MYO3B: variants seen among roughly 807,000 people sequenced by gnomAD.
MYO3B encodes the protein myosin IIIB, also known as myosin-IIIb.
MYO3B carries 156 observed loss-of-function variants against 174.6 expected under a neutral mutation model. The observed-to-expected ratio is 0.89, with a 90% CI of 0.78 to 1.02. The LOEUF (loss-of-function observed/expected upper bound fraction) is 1.02. Among genes scored for constraint, MYO3B ranks in the 50% least tolerant of loss-of-function variants. MYO3B has a pLI of 0.00. For missense variants in MYO3B, 1,632 were observed against 1,639.4 expected, an observed-to-expected ratio of 1.00 and a Z score of 0.08; for synonymous variants, 563 against 569.1, an observed-to-expected ratio of 0.99 and a Z score of 0.15.
intron 22 of MYO3B, among the ~76,000 whole-genome samples, chr2:170,420,305 G>C: frequency 6.6e-6 from 1 of 152,234 alleles, no homozygotes; most frequent in East Asian, 1.9e-4. Context: ...ACTATGCTAC[G>C]GTTAAGGAGC....
intron 1 of MYO3B, among the ~76,000 whole-genome samples, chr2:170,198,120 T>G (rs966115332): frequency 5.3e-5 from 8 of 151,920 alleles, no homozygotes; most frequent in Non-Finnish European, 1.2e-4. Flanking sequence ...GGGTTTTTTT[T>G]TTTTTTTTTT....
intron 32 of MYO3B, chr2:170,601,900 C>T: frequency 1.2e-6 from 1 of 843,802 alleles, no homozygotes; most frequent in Non-Finnish European, 2.0e-6. Context: ...GATTTTTGGG[C>T]AATACTCAGA....
At chr2:170,451,927 C>G (rs558453431) in intron 23 of MYO3B, among the ~76,000 whole-genome samples, 1 of 152,158 alleles carries the variant, frequency 6.6e-6, no homozygotes, top group Non-Finnish European at 1.5e-5. Flanking sequence ...TGGAAGAAGA[C>G]AGTACAACGC....
At chr2:170,273,689 C>T (rs1559351321) in intron 7 of MYO3B, among the ~76,000 whole-genome samples, 1 of 152,138 alleles carries the variant, frequency 6.6e-6, no homozygotes, top group African/African-American at 2.4e-5. Flanking sequence ...TCCTTCAAAA[C>T]TCAGCTCATA....
At chr2:170,392,333 T>A in intron 15 of MYO3B, 48 bp from the exon 16 acceptor site, 1 of 1,369,926 alleles carries the variant, frequency 7.3e-7, no homozygotes, top group South Asian at 1.4e-5. Flanking sequence ...CCTGTACTAC[T>A]TTCCAAGTCA....
intron 1 of MYO3B, among the ~76,000 whole-genome samples, chr2:170,179,191 T>TA (rs958424057): frequency 2.0e-5 from 3 of 152,150 alleles, no homozygotes; most frequent in African/African-American, 7.2e-5. Context: ...CCTGCACATG[T>TA]AACCTGGAAC....
chr2:170,255,517 A>G (rs2093297072), intron 7 of MYO3B, among the ~76,000 whole-genome samples: 1 of 152,170 alleles, frequency 6.6e-6, no homozygotes, highest in Non-Finnish European at 1.5e-5. Context: ...TGTGAAACTC[A>G]ATACAGGAAA....
chr2:170,651,555 G>A (rs1699010763), intron 32 of MYO3B, 73 bp from the exon 33 acceptor site: 2 of 1,185,410 alleles, frequency 1.7e-6, no homozygotes, highest in African/African-American at 3.0e-5. Context: ...GTGCATTTAT[G>A]TGAAGAGCCA....
At chr2:170,291,359 A>C (rs1218608930) in intron 7 of MYO3B, among the ~76,000 whole-genome samples, 9 of 152,166 alleles carry the variant, frequency 5.9e-5, no homozygotes. Flanking sequence ...CAGTTTACAT[A>C]GTTTTATATT....
At chr2:170,427,490 A>G (rs1041942508) in intron 22 of MYO3B, among the ~76,000 whole-genome samples, 1 of 152,162 alleles carries the variant, frequency 6.6e-6, no homozygotes, top group South Asian at 2.1e-4. Context: ...GTTTCTGGGC[A>G]CTGGCGTTTT....
At chr2:170,219,575 C>T (rs932913196) in intron 6 of MYO3B, among the ~76,000 whole-genome samples, 11 of 151,714 alleles carry the variant, frequency 7.3e-5, no homozygotes, top group Admixed American at 2.0e-4. Context: ...ACCCGGGAGG[C>T]AGAGGTTGCA....
At chr2:170,281,039 A>C (rs750362902) in intron 7 of MYO3B, among the ~76,000 whole-genome samples, 6 of 152,166 alleles carry the variant, frequency 3.9e-5, no homozygotes, top group Non-Finnish European at 5.9e-5. Context: ...TGATAGGAAT[A>C]GCATTGATTA....
chr2:170,400,268 T>C lies in MYO3B; in HGVS notation c.1872T>C (p.His624=). ...NIEFAAISSQ[H]QTDKSEVPNA... ...AGTTCGCAGCTATTTCCTCTCAACA[T>C]CAGACTGATAAAAGTGAGGTGCCCA... is the stretch of plus-strand genomic sequence containing the variant. The change falls in exon 17 of 35, where the codon CAT becomes CAC. Residue 624 remains histidine, a synonymous_variant. Transcript: ENST00000408978. 6.2e-7 allele frequency: 1 copy of C among 1,613,810 alleles called. No individual in the cohort carries two copies. Among genetic ancestry groups the C allele is most frequent in the Admixed American group, 1.7e-5 (1 of 60,004 alleles).
chr2:170,604,472 A>G (rs1459810093), intron 32 of MYO3B, among the ~76,000 whole-genome samples: 2 of 151,976 alleles, frequency 1.3e-5, no homozygotes, highest in Admixed American at 6.6e-5. Flanking sequence ...AAAACTGTTA[A>G]TTAAACATTT....
chr2:170,587,752 G>C (rs1212464931), intron 32 of MYO3B, among the ~76,000 whole-genome samples: 2 of 152,206 alleles, frequency 1.3e-5, no homozygotes, highest in Admixed American at 1.3e-4. Context: ...GGCCAGACCT[G>C]ACTACAGTGT....
intron 7 of MYO3B, among the ~76,000 whole-genome samples, chr2:170,307,002 A>G (rs1340334174): frequency 6.6e-6 from 1 of 152,122 alleles, no homozygotes; most frequent in Non-Finnish European, 1.5e-5. Context: ...CCCAAAAGTG[A>G]TATAATTTTC....
intron 7 of MYO3B, among the ~76,000 whole-genome samples, chr2:170,301,733 T>G (rs2093666259): frequency 6.6e-6 from 1 of 152,102 alleles, no homozygotes; most frequent in African/African-American, 2.4e-5. Context: ...CCTGATTGTG[T>G]GATACACAGT....
At chr2:170,624,623 A>G (rs1482401686) in intron 32 of MYO3B, among the ~76,000 whole-genome samples, 2 of 152,080 alleles carry the variant, frequency 1.3e-5, no homozygotes, top group African/African-American at 4.8e-5. Flanking sequence ...GTGGTGAGAG[A>G]GGGCATCCTT....
intron 32 of MYO3B, among the ~76,000 whole-genome samples, chr2:170,580,718 A>ATATATATATATATATATGTG (rs768974458): frequency 2.1e-5 from 3 of 142,776 alleles, no homozygotes; most frequent in African/African-American, 7.8e-5. Flanking sequence ...AACCTTATAT[A>ATATATATATATATATATGTG]TGTGTGTGTG....
Sources: gnomAD v4.1 joint callset for allele counts (sites outside exome capture counted in the v4.1 genomes callset) on GRCh38, gnomAD v4.1.1 for gene constraint, MANE v1.5 for transcripts, NCBI Gene and HGNC (gene_info 2026-07-23, HGNC 2026-07-21) for gene names.